B3GALNT2: variants seen among roughly 807,000 people sequenced by gnomAD.
B3GALNT2 encodes UDP-GalNAc:beta-1,3-N-acetylgalactosaminyltransferase 2.
A neutral mutation model predicts 61.1 loss-of-function variants in B3GALNT2; 53 were observed. The observed-to-expected ratio is 0.87, with a 90% CI of 0.70 to 1.09. The LOEUF is 1.09. Among genes scored for constraint, B3GALNT2 ranks in the 50% least tolerant of loss-of-function variants. The pLI is 0.00. For missense variants in B3GALNT2, 544 were observed against 623.0 expected (o/e 0.87, Z 1.35); for synonymous variants, 223 against 237.4 (o/e 0.94, Z 0.56).
intron 6 of B3GALNT2, among the ~76,000 whole-genome samples, chr1:235,470,188 C>T (rs368916389): frequency 5.9e-5 from 9 of 152,206 alleles, no homozygotes; most frequent in African/African-American, 1.4e-4. Context: ...CATGAGCCAC[C>T]GCACCTGGCT....
At chr1:235,462,256 A>T (rs927147536) in intron 7 of B3GALNT2, among the ~76,000 whole-genome samples, 1 of 152,248 alleles carries the variant, frequency 6.6e-6, no homozygotes, top group African/African-American at 2.4e-5. Context: ...TTAGACTAGT[A>T]ACACATTTTG....
At chr1:235,490,898 C>T (rs947485193) in intron 2 of B3GALNT2, among the ~76,000 whole-genome samples, 2 of 152,020 alleles carry the variant, frequency 1.3e-5, no homozygotes, top group Non-Finnish European at 1.5e-5. Flanking sequence ...AGTGATGTCA[C>T]ATTAGTCACT....
At chr1:235,457,123 TA>T in intron 8 of B3GALNT2, among the ~76,000 whole-genome samples, 1 of 151,738 alleles carries the variant, frequency 6.6e-6, no homozygotes, top group East Asian at 1.9e-4. Flanking sequence ...AATAAATAAA[TA>T]AATAAATAAA....
chr1:235,494,656 C>T (rs1685229300), intron 2 of B3GALNT2, 25 bp downstream of exon 2: 1 of 1,599,836 alleles, frequency 6.3e-7, no homozygotes, highest in African/African-American at 1.3e-5. Context: ...ATAAACCAGG[C>T]AAGGCAACAA....
rs1304731257 is a variant in B3GALNT2, at chr1:235,448,478, T to G, written c.*1728A>C. 6.3e-7 allele frequency: 1 copy of G among 1,579,538 alleles called. No individual in the cohort carries two copies. The highest frequency in any genetic ancestry group is 1.7e-5 in the Admixed American group (1 of 59,984). ...GCAAAATACAAAGTCAAAGTCAAGC[T>G]TAGTCCTCGTATTATGACATTAAAC... On this transcript the variant is annotated 3_prime_UTR_variant, in exon 12 of 12. Transcript: ENST00000366600.
intron 8 of B3GALNT2, among the ~76,000 whole-genome samples, chr1:235,458,389 G>A (rs1364225662): frequency 1.3e-5 from 2 of 151,664 alleles, no homozygotes; most frequent in African/African-American, 4.8e-5. Flanking sequence ...AAATTGTCTC[G>A]ATAGCAAAAG....
chr1:235,487,022 G>A (rs1388892978), intron 3 of B3GALNT2, among the ~76,000 whole-genome samples: 6 of 152,168 alleles, frequency 3.9e-5, no homozygotes, highest in South Asian at 2.1e-4. Flanking sequence ...TAAGTCAGGC[G>A]TGGTGGCGGG....
downstream of B3GALNT2, among the ~76,000 whole-genome samples, chr1:235,445,512 T>A (rs1184284607): frequency 1.3e-5 from 2 of 152,140 alleles, no homozygotes; most frequent in Non-Finnish European, 2.9e-5. Context: ...GGTGCATGCC[T>A]GTAGTCCCAG....
chr1:235,440,449 A>G, the B3GALNT2 span, among the ~76,000 whole-genome samples: 12 of 150,672 alleles, frequency 8.0e-5, no homozygotes, highest in African/African-American at 2.7e-4. Context: ...CTGGAGTCCA[A>G]TGGCGCGATC....
intron 5 of B3GALNT2, among the ~76,000 whole-genome samples, chr1:235,475,899 G>A (rs1401067167): frequency 6.6e-6 from 1 of 151,906 alleles, no homozygotes; most frequent in East Asian, 1.9e-4. Context: ...AGTTGCCCAG[G>A]CTGGTCGTCT....
At chr1:235,482,048 TACAA>T (rs1398561765) in intron 4 of B3GALNT2, among the ~76,000 whole-genome samples, 1 of 152,198 alleles carries the variant, frequency 6.6e-6, no homozygotes, top group Non-Finnish European at 1.5e-5. Flanking sequence ...ACATTAATAA[TACAA>T]ACACATTTTA....
downstream of B3GALNT2, among the ~76,000 whole-genome samples, chr1:235,445,849 C>T (rs934688112): frequency 1.3e-5 from 2 of 152,148 alleles, no homozygotes; most frequent in African/African-American, 4.8e-5. Flanking sequence ...AATCTAAGTA[C>T]TTGCCAGCGG....
intron 5 of B3GALNT2, chr1:235,479,058 G>A (rs535886085): frequency 6.6e-6 from 1 of 152,294 alleles, no homozygotes; most frequent in Admixed American, 6.5e-5. Context: ...AGATACAAAT[G>A]AAAAGGAGAT....
Position 235,448,243 on chromosome 1 carries a change from C to T in B3GALNT2, c.*1963G>A. ...CTCAAAAAAAAAAAAAAAAAAAAGA[C>T]AGATACAGCTATCATTGCAATGATA... On this transcript the variant is annotated 3_prime_UTR_variant, in exon 12 of 12. Coordinates refer to ENST00000366600, the MANE Select transcript of B3GALNT2 (RefSeq NM_152490.5). 1 of 645,772 alleles carries T rather than the reference C, an allele frequency of 1.5e-6. No individual in the cohort carries two copies. The highest frequency in any genetic ancestry group is 1.7e-5 in the South Asian group (1 of 58,932). The allele number at this position is 645,772 out of a possible 1,614,324, so 40.0% of individuals were successfully genotyped here.
chr1:235,500,777 A>G (rs1364608295), intron 1 of B3GALNT2, among the ~76,000 whole-genome samples: 1 of 152,208 alleles, frequency 6.6e-6, no homozygotes, highest in African/African-American at 2.4e-5. Context: ...GTTTACTATG[A>G]AACAGGCACT....
At position 235,447,948 on chromosome 1, in the gene B3GALNT2, T is replaced by A. The variant is rs770312218; in HGVS notation, c.*2258A>T. Among the ~76,000 whole-genome samples, 4 of 152,200 alleles carry A rather than the reference T, an allele frequency of 2.6e-5. No individual in the cohort carries two copies. The East Asian group carries it at 7.7e-4, about 29-fold the overall frequency. ...AAGATACAGCCAGGCGCTGGGCTCA[T>A]GCTTGTAATCCCAGCACTTTGGGGG... On this transcript the variant is annotated 3_prime_UTR_variant, in exon 12 of 12. Coordinates refer to ENST00000366600, the MANE Select transcript of B3GALNT2 (RefSeq NM_152490.5).
At chr1:235,468,581 T>TA (rs1265972174) in intron 6 of B3GALNT2, among the ~76,000 whole-genome samples, 4 of 150,782 alleles carry the variant, frequency 2.7e-5, no homozygotes, top group African/African-American at 4.9e-5. Flanking sequence ...GCCTTCCGAG[T>TA]AGCTGGGACT....
intron 1 of B3GALNT2, among the ~76,000 whole-genome samples, chr1:235,497,294 G>C (rs1685372379): frequency 6.6e-6 from 1 of 152,170 alleles, no homozygotes; most frequent in South Asian, 2.1e-4. Context: ...AACAAAGGTA[G>C]TGACCAGCCA....
intron 5 of B3GALNT2, among the ~76,000 whole-genome samples, chr1:235,478,066 C>CT (rs1450097495): frequency 6.6e-6 from 1 of 151,868 alleles, no homozygotes. Context: ...AACCACTATT[C>CT]TTTTTTTTGA....
Sources: gnomAD v4.1 joint callset for allele counts (sites outside exome capture counted in the v4.1 genomes callset) on GRCh38, gnomAD v4.1.1 for gene constraint, MANE v1.5 for transcripts, NCBI Gene and HGNC (gene_info 2026-07-23, HGNC 2026-07-21) for gene names.